Variants in CNTNAP5 observed in about 807,000 individuals in gnomAD.
The protein encoded by CNTNAP5 is contactin-associated protein-like 5.
In CNTNAP5, 72 loss-of-function variants were observed where a neutral mutation model predicts 150.2. The observed-to-expected ratio is 0.48, with a 90% CI of 0.40 to 0.58. CNTNAP5 has a LOEUF of 0.58. CNTNAP5 is among the 20% of genes least tolerant of loss of function. The probability of loss-of-function intolerance (pLI) is 0.00; values close to 1 mark genes in which losing one functional copy is unlikely to be tolerated. For missense variants in CNTNAP5, 1,636 were observed against 1,626.2 expected (o/e 1.01, Z -0.10); for synonymous variants, 672 against 619.8 (o/e 1.08, Z -1.25).
intron 8 of CNTNAP5, among the ~76,000 whole-genome samples, chr2:124,507,225 A>G (rs1345262771): frequency 2.0e-5 from 3 of 152,222 alleles, no homozygotes; most frequent in South Asian, 2.1e-4. Flanking sequence ...TTGAGAGGCC[A>G]AGGAGGGCAG....
intron 3 of CNTNAP5, among the ~76,000 whole-genome samples, chr2:124,267,094 T>C (rs1443104024): frequency 3.3e-5 from 5 of 152,066 alleles, no homozygotes; most frequent in Non-Finnish European, 7.4e-5. Context: ...ATTTTAAGAT[T>C]CATAATTTTT....
intron 12 of CNTNAP5, among the ~76,000 whole-genome samples, chr2:124,645,868 G>A (rs1678192078): frequency 6.6e-6 from 1 of 152,124 alleles, no homozygotes; most frequent in Admixed American, 6.5e-5. Context: ...GGTGGAAGGT[G>A]AAGAGGGAGC....
chr2:124,071,161 G>C (rs10199443), intron 1 of CNTNAP5, among the ~76,000 whole-genome samples: 3 of 151,632 alleles, frequency 2.0e-5, no homozygotes, highest in Admixed American at 6.6e-5. Flanking sequence ...TGAATACACA[G>C]CATATCAAAA....
chr2:124,401,723 C>T (rs1367351800), intron 3 of CNTNAP5, among the ~76,000 whole-genome samples: 1 of 152,112 alleles, frequency 6.6e-6, no homozygotes, highest in Admixed American at 6.5e-5. Flanking sequence ...AATTCACAGG[C>T]AAGGACATTT....
chr2:124,482,431 C>G (rs1232208805), intron 7 of CNTNAP5, among the ~76,000 whole-genome samples: 1 of 152,152 alleles, frequency 6.6e-6, no homozygotes, highest in Admixed American at 6.5e-5. Flanking sequence ...TTATGGAAAG[C>G]AATCCACCAT....
chr2:124,789,830 T>A (rs1681683469), intron 17 of CNTNAP5, 72 bp from the exon 18 acceptor site: 1 of 1,418,630 alleles, frequency 7.0e-7, no homozygotes, highest in Non-Finnish European at 9.7e-7. Flanking sequence ...CTCTTACCCA[T>A]GCCAACATTA....
chr2:124,675,719 C>A (rs1410629010), intron 13 of CNTNAP5, among the ~76,000 whole-genome samples: 1 of 152,068 alleles, frequency 6.6e-6, no homozygotes, highest in African/African-American at 2.4e-5. Context: ...GTATGTACTG[C>A]TTTGTGCAGT....
intron 12 of CNTNAP5, among the ~76,000 whole-genome samples, chr2:124,611,262 A>G (rs1271020224): frequency 6.6e-6 from 1 of 152,228 alleles, no homozygotes; most frequent in African/African-American, 2.4e-5. Context: ...AGTCAGGAAC[A>G]CTACCGTGAG....
chr2:124,235,946 TA>T (rs1686735662), intron 2 of CNTNAP5, among the ~76,000 whole-genome samples: 1 of 28,952 alleles, frequency 3.5e-5, no homozygotes, highest in Non-Finnish European at 9.7e-5. Flanking sequence ...CCCACTTATT[TA>T]TTTATTTATT....
chr2:124,084,870 T>C (rs1452939528), intron 1 of CNTNAP5, among the ~76,000 whole-genome samples: 1 of 151,694 alleles, frequency 6.6e-6, no homozygotes, highest in Non-Finnish European at 1.5e-5. Flanking sequence ...TGAAACTATC[T>C]GTGTCTAGAG....
At chr2:124,777,441 CT>C (rs1186760370) in intron 17 of CNTNAP5, among the ~76,000 whole-genome samples, 3 of 152,064 alleles carry the variant, frequency 2.0e-5, no homozygotes, top group Admixed American at 6.6e-5. Context: ...GTGGTACGAT[CT>C]CAGGATCTCA....
intron 3 of CNTNAP5, among the ~76,000 whole-genome samples, chr2:124,307,379 C>A (rs1446487971): frequency 6.6e-6 from 1 of 152,128 alleles, no homozygotes; most frequent in African/African-American, 2.4e-5. Flanking sequence ...TACCATTACA[C>A]TGGGGATTAG....
intron 11 of CNTNAP5, among the ~76,000 whole-genome samples, chr2:124,603,505 A>G (rs536012145): frequency 8.5e-5 from 13 of 152,286 alleles, no homozygotes; most frequent in African/African-American, 2.9e-4. Context: ...CTTGATGATC[A>G]TTGTTTAATC....
chr2:124,772,801 C>T lies in CNTNAP5; in HGVS notation c.2536C>T (p.Pro846Ser), dbSNP rs1681232232. The change falls in exon 17 of 24, where the codon CCT (proline) becomes TCT (serine). Residue 846 changes from proline to serine, a missense_variant and splice_region_variant. Transcript: ENST00000682447. ...CCTGTTTTCCTTTCCGGTTTCAGCTCCTTCAGAGATCACCTTTGCCATCGA... is the reference window on the plus strand; with the variant it reads ...CCTGTTTTCCTTTCCGGTTTCAGCTTCTTCAGAGATCACCTTTGCCATCGA... ...KDFIRLEISS[P>S]SEITFAIDVG... 3.7e-6 allele frequency: 6 copies of T among 1,613,418 alleles called. 1 individual carries two copies. In the South Asian group the frequency reaches 5.5e-5, roughly 15 times the overall value.
intron 8 of CNTNAP5, among the ~76,000 whole-genome samples, chr2:124,520,388 C>T (rs1340395041): frequency 6.6e-6 from 1 of 152,164 alleles, no homozygotes; most frequent in African/African-American, 2.4e-5. Flanking sequence ...ATAAAATTCA[C>T]AGGAAATGAG....
intron 1 of CNTNAP5, among the ~76,000 whole-genome samples, chr2:124,037,683 G>A (rs1168458117): frequency 6.6e-6 from 1 of 152,158 alleles, no homozygotes; most frequent in African/African-American, 2.4e-5. Flanking sequence ...AGCTGTAGGT[G>A]TGGGGAGGGA....
intron 3 of CNTNAP5, among the ~76,000 whole-genome samples, chr2:124,336,037 G>T (rs1229717714): frequency 6.6e-6 from 1 of 151,688 alleles, no homozygotes; most frequent in Non-Finnish European, 1.5e-5. Context: ...CTCCTTATAG[G>T]GATGAGGGAG....
intron 7 of CNTNAP5, among the ~76,000 whole-genome samples, chr2:124,478,556 A>G (rs1216380817): frequency 1.3e-5 from 2 of 152,084 alleles, no homozygotes; most frequent in Non-Finnish European, 2.9e-5. Flanking sequence ...TTATATACCT[A>G]GTCTATCTCC....
chr2:124,738,848 C>G (rs1680442439), intron 13 of CNTNAP5, among the ~76,000 whole-genome samples: 1 of 152,156 alleles, frequency 6.6e-6, no homozygotes, highest in Non-Finnish European at 1.5e-5. Flanking sequence ...GCCTGTAGCC[C>G]ACATTTTGCT....
Sources: gnomAD v4.1 joint callset for allele counts (sites outside exome capture counted in the v4.1 genomes callset) on GRCh38, gnomAD v4.1.1 for gene constraint, MANE v1.5 for transcripts, NCBI Gene and HGNC (gene_info 2026-07-23, HGNC 2026-07-21) for gene names.